The following CLSTN2 variants were observed in gnomAD, a reference collection of about 807,000 sequenced individuals.
The protein encoded by CLSTN2 is calsyntenin 2, also known as calsyntenin-2.
A neutral mutation model predicts 101.2 loss-of-function variants in CLSTN2; 48 were observed. That is an observed-to-expected ratio of 0.47 (90% CI 0.38 to 0.60). CLSTN2 has a LOEUF of 0.60. Among genes scored for constraint, CLSTN2 ranks in the 20% least tolerant of loss-of-function variants. The pLI, the probability that CLSTN2 is intolerant of heterozygous loss-of-function variation, is 0.00. For missense variants in CLSTN2, 1,160 were observed against 1,238.2 expected (o/e 0.94, Z 0.95); for synonymous variants, 481 against 463.6 (o/e 1.04, Z -0.48).
At chr3:140,371,069 A>C (rs1465471577) in intron 2 of CLSTN2, among the ~76,000 whole-genome samples, 1 of 152,226 alleles carries the variant, frequency 6.6e-6, no homozygotes, top group African/African-American at 2.4e-5. Flanking sequence ...TCTTTCTGGC[A>C]AACACCTTCT....
At chr3:139,963,965 C>G (rs530949724) in intron 1 of CLSTN2, among the ~76,000 whole-genome samples, 1 of 152,342 alleles carries the variant, frequency 6.6e-6, no homozygotes, top group South Asian at 2.1e-4. Context: ...GCCAGGGCAG[C>G]TCCAGGAGCT....
intron 1 of CLSTN2, among the ~76,000 whole-genome samples, chr3:140,141,614 C>T (rs2009698760): frequency 6.6e-6 from 1 of 152,222 alleles, no homozygotes; most frequent in Non-Finnish European, 1.5e-5. Flanking sequence ...CCACTGATCT[C>T]CTAAGGGTGG....
chr3:140,122,681 C>T (rs2107799984), intron 1 of CLSTN2, among the ~76,000 whole-genome samples: 2 of 152,258 alleles, frequency 1.3e-5, no homozygotes, highest in Middle Eastern at 6.8e-3. Flanking sequence ...GCAGTTGGTG[C>T]TGCACCCTCT....
At chr3:140,251,579 CTTCCGTTCCT>C (rs2086563751) in intron 2 of CLSTN2, among the ~76,000 whole-genome samples, 2 of 53,022 alleles carry the variant, frequency 3.8e-5, no homozygotes, top group Non-Finnish European at 4.2e-5. Context: ...CAACTCTTAG[CTTCCGTTCCT>C]TTCCTTTCCT....
At chr3:140,372,559 C>T (rs956370223) in intron 2 of CLSTN2, among the ~76,000 whole-genome samples, 1 of 152,122 alleles carries the variant, frequency 6.6e-6, no homozygotes, top group African/African-American at 2.4e-5. Context: ...TCCCCTGAAT[C>T]CTTGAGATTC....
chr3:140,426,307 G>A (rs1437869595), intron 5 of CLSTN2, among the ~76,000 whole-genome samples: 1 of 152,118 alleles, frequency 6.6e-6, no homozygotes, highest in Non-Finnish European at 1.5e-5. Flanking sequence ...GCCCCAGTGT[G>A]TGATGTTCCC....
At chr3:140,212,324 G>T (rs1442885880) in intron 2 of CLSTN2, among the ~76,000 whole-genome samples, 1 of 152,220 alleles carries the variant, frequency 6.6e-6, no homozygotes, top group Non-Finnish European at 1.5e-5. Context: ...TGACAGAAAG[G>T]CAGCCATCAG....
chr3:140,117,023 G>A (rs2882429), intron 1 of CLSTN2, among the ~76,000 whole-genome samples: 54,303 of 151,996 alleles, frequency 0.36, 9,841 homozygotes, highest in African/African-American at 0.38. Flanking sequence ...CCCCTGCTCT[G>A]CTGTTCCGGG....
At chr3:140,311,663 C>T (rs2087169989) in intron 2 of CLSTN2, among the ~76,000 whole-genome samples, 1 of 151,972 alleles carries the variant, frequency 6.6e-6, no homozygotes, top group Admixed American at 6.6e-5. Flanking sequence ...TATGCAATAA[C>T]TCATGTAATC....
intron 8 of CLSTN2, among the ~76,000 whole-genome samples, chr3:140,493,794 C>G (rs1018388066): frequency 6.6e-6 from 1 of 152,178 alleles, no homozygotes; most frequent in African/African-American, 2.4e-5. Context: ...GATGGGAGAC[C>G]TATGAGAATT....
chr3:140,271,086 C>T (rs1271724034), intron 2 of CLSTN2, among the ~76,000 whole-genome samples: 1 of 152,192 alleles, frequency 6.6e-6, no homozygotes, highest in African/African-American at 2.4e-5. Context: ...CACATAATCA[C>T]TTTGCACTGG....
intron 1 of CLSTN2, among the ~76,000 whole-genome samples, chr3:140,171,802 T>C (rs1166944066): frequency 1.1e-4 from 11 of 97,668 alleles, no homozygotes; most frequent in African/African-American, 5.9e-4. Context: ...ATATATAATA[T>C]GTATTATATA....
intron 8 of CLSTN2, among the ~76,000 whole-genome samples, chr3:140,527,947 G>A (rs1278315634): frequency 3.3e-5 from 5 of 152,124 alleles, no homozygotes; most frequent in Non-Finnish European, 7.4e-5. Flanking sequence ...GGAATGGGTT[G>A]AAAAACCACC....
intron 2 of CLSTN2, among the ~76,000 whole-genome samples, chr3:140,270,278 A>T (rs2086730180): frequency 6.6e-6 from 1 of 152,130 alleles, no homozygotes; most frequent in African/African-American, 2.4e-5. Context: ...ATATGTGAGA[A>T]CCCAGGATGG....
At chr3:140,066,551 C>T (rs1247087596) in intron 1 of CLSTN2, among the ~76,000 whole-genome samples, 2 of 152,144 alleles carry the variant, frequency 1.3e-5, no homozygotes, top group Non-Finnish European at 2.9e-5. Flanking sequence ...CTGAAAATAC[C>T]AAACCTTTTT....
intron 5 of CLSTN2, among the ~76,000 whole-genome samples, chr3:140,429,635 C>T (rs1293408925): frequency 2.0e-5 from 3 of 152,016 alleles, no homozygotes; most frequent in Admixed American, 6.6e-5. Context: ...ATCTTAGGGA[C>T]GAAGGACTCC....
chr3:139,967,063 A>T (rs1309532315), intron 1 of CLSTN2, among the ~76,000 whole-genome samples: 1 of 152,170 alleles, frequency 6.6e-6, no homozygotes, highest in Non-Finnish European at 1.5e-5. Context: ...TATGCCTGAT[A>T]AATTGCTGCC....
intron 1 of CLSTN2, among the ~76,000 whole-genome samples, chr3:140,100,149 T>C (rs1027707085): frequency 4.2e-4 from 52 of 122,476 alleles, no homozygotes; most frequent in African/African-American, 1.6e-3. Flanking sequence ...GCATTTCTCT[T>C]TTTTTTTTTT....
chr3:140,267,629 C>T (rs2086707359), intron 2 of CLSTN2, among the ~76,000 whole-genome samples: 1 of 152,194 alleles, frequency 6.6e-6, no homozygotes, highest in South Asian at 2.1e-4. Context: ...TTTAAAACCA[C>T]TGTGTTGCCT....
Sources: allele counts gnomAD v4.1 joint callset (sites outside exome capture counted in the v4.1 genomes callset), GRCh38; gene constraint gnomAD v4.1.1; transcripts MANE v1.5; gene names NCBI Gene and HGNC (gene_info 2026-07-23, HGNC 2026-07-21).